PCDHA11: variants seen among roughly 807,000 people sequenced by gnomAD.
PCDHA11 encodes the protein protocadherin alpha-11.
In PCDHA11, 61 loss-of-function variants were observed where a neutral mutation model predicts 70.3. The observed-to-expected ratio is 0.87, with a 90% CI of 0.71 to 1.07. The LOEUF is 1.07. Ranked by LOEUF, PCDHA11 falls within the 50% of genes least tolerant of loss-of-function variation. The probability of loss-of-function intolerance (pLI) is 0.00; values close to 1 mark genes in which losing one functional copy is unlikely to be tolerated. For synonymous variants in PCDHA11, 633 were observed against 555.1 expected, an observed-to-expected ratio of 1.14 and a Z score of -1.97; for missense variants, 1,324 against 1,237.5, an observed-to-expected ratio of 1.07 and a Z score of -1.05.
chr5:140,875,987 TA>T (rs1165213326), intron 1 of PCDHA11: 1 of 1,613,914 alleles, frequency 6.2e-7, no homozygotes, highest in East Asian at 2.2e-5. Context: ...ACCTATGCGT[TA>T]AGTCTAAATG....
intron 1 of PCDHA11, among the ~76,000 whole-genome samples, chr5:140,946,631 T>TATATATATATATATACACAC (rs57893927): frequency 7.6e-6 from 1 of 131,856 alleles, no homozygotes; most frequent in East Asian, 2.1e-4. Flanking sequence ...TATATATATA[T>TATATATATATATATACACAC]ACAATGGAAT....
chr5:140,984,271 A>G (rs1403531837), intron 3 of PCDHA11, among the ~76,000 whole-genome samples: 1 of 152,196 alleles, frequency 6.6e-6, no homozygotes, highest in African/African-American at 2.4e-5. Context: ...ACTAACTTTG[A>G]ATACATTCTC....
intron 1 of PCDHA11, among the ~76,000 whole-genome samples, chr5:140,969,673 G>A (rs1226601717): frequency 3.3e-5 from 5 of 152,170 alleles, no homozygotes; most frequent in African/African-American, 9.7e-5. Flanking sequence ...AATGTTATGA[G>A]ACTCAAGGAG....
intron 1 of PCDHA11, chr5:140,881,246 G>A (rs1006093115): frequency 4.8e-6 from 2 of 415,054 alleles, no homozygotes; most frequent in Non-Finnish European, 6.5e-6. Flanking sequence ...TTAAATGACG[G>A]CAAGGTTTTA....
intron 1 of PCDHA11, among the ~76,000 whole-genome samples, chr5:140,931,320 G>A (rs1350182542): frequency 6.6e-6 from 1 of 151,992 alleles, no homozygotes; most frequent in Non-Finnish European, 1.5e-5. Context: ...TACCAGTAAT[G>A]GCTGTAAAGT....
At chr5:140,929,192 A>C (rs1367500775) in intron 1 of PCDHA11, 1 of 1,614,124 alleles carries the variant, frequency 6.2e-7, no homozygotes, top group Non-Finnish European at 8.5e-7. Context: ...TCTGATAATA[A>C]CAGTTTGCTG....
At chr5:140,876,714 CCGCGAGAG>C in intron 1 of PCDHA11, 1 of 1,614,230 alleles carries the variant, frequency 6.2e-7, no homozygotes, top group East Asian at 2.2e-5. Context: ...GCGCCCTGGA[CCGCGAGAG>C]CGTGTCGGCC....
At chr5:140,990,129 A>G (rs868941506) in intron 3 of PCDHA11, among the ~76,000 whole-genome samples, 6 of 152,296 alleles carry the variant, frequency 3.9e-5, no homozygotes, top group Middle Eastern at 3.4e-3. Flanking sequence ...TGTAGAAGTC[A>G]GACTCAAGAG....
At chr5:140,980,584 C>T (rs1447001293) in intron 2 of PCDHA11, among the ~76,000 whole-genome samples, 3 of 151,934 alleles carry the variant, frequency 2.0e-5, no homozygotes, top group Non-Finnish European at 4.4e-5. Context: ...GAGCCAAGAT[C>T]GAGCCACTGC....
chr5:140,909,992 T>A (rs2074821631), intron 1 of PCDHA11, among the ~76,000 whole-genome samples: 1 of 152,192 alleles, frequency 6.6e-6, no homozygotes, highest in Non-Finnish European at 1.5e-5. Context: ...ACTAACAGCA[T>A]AAATTGTTGT....
chr5:140,968,422 G>C, intron 1 of PCDHA11: 2 of 1,613,984 alleles, frequency 1.2e-6, no homozygotes, highest in Non-Finnish European at 1.7e-6. Context: ...TGGAGGCTCA[G>C]GACAAGGGGA....
At chr5:140,968,097 G>A in intron 1 of PCDHA11, 1 of 1,614,112 alleles carries the variant, frequency 6.2e-7, no homozygotes, top group Non-Finnish European at 8.5e-7. Flanking sequence ...GCCACAGATG[G>A]GGGAATACCG....
At chr5:141,006,382 T>A (rs2098271166) in intron 3 of PCDHA11, among the ~76,000 whole-genome samples, 1 of 151,910 alleles carries the variant, frequency 6.6e-6, no homozygotes, top group African/African-American at 2.4e-5. Context: ...CGGCTAAGTT[T>A]TTTCTATTTT....
At chr5:140,935,721 A>G (rs2090523952) in intron 1 of PCDHA11, among the ~76,000 whole-genome samples, 1 of 152,196 alleles carries the variant, frequency 6.6e-6, no homozygotes, top group African/African-American at 2.4e-5. Context: ...ATATATTTAG[A>G]GAAGTCTAGT....
intron 1 of PCDHA11, among the ~76,000 whole-genome samples, chr5:140,896,209 T>C (rs1489640114): frequency 6.6e-6 from 1 of 152,238 alleles, no homozygotes; most frequent in African/African-American, 2.4e-5. Context: ...AACATACACA[T>C]ACATGTGTCT....
intron 3 of PCDHA11, among the ~76,000 whole-genome samples, chr5:140,989,936 C>T (rs564429410): frequency 1.3e-5 from 2 of 152,104 alleles, no homozygotes; most frequent in Non-Finnish European, 2.9e-5. Flanking sequence ...AGATGACATT[C>T]CACGTTTTTC....
intron 2 of PCDHA11, among the ~76,000 whole-genome samples, chr5:140,980,956 C>T (rs2096912703): frequency 6.6e-6 from 1 of 152,110 alleles, no homozygotes; most frequent in Non-Finnish European, 1.5e-5. Flanking sequence ...AGGATAGTTA[C>T]ACCTTCATGA....
intron 1 of PCDHA11, among the ~76,000 whole-genome samples, chr5:140,920,730 G>A (rs902169780): frequency 6.6e-6 from 1 of 152,058 alleles, no homozygotes; most frequent in Non-Finnish European, 1.5e-5. Context: ...TGCAGTCCCA[G>A]CTACTCAGGA....
chr5:140,967,072 C>A, intron 1 of PCDHA11: 7 of 1,613,106 alleles, frequency 4.3e-6, no homozygotes, highest in Non-Finnish European at 5.9e-6. Context: ...TCTTCGTCAA[C>A]GAGCGCATTG....
Sources: allele counts gnomAD v4.1 joint callset (sites outside exome capture counted in the v4.1 genomes callset), GRCh38; gene constraint gnomAD v4.1.1; transcripts MANE v1.5; gene names NCBI Gene and HGNC (gene_info 2026-07-23, HGNC 2026-07-21).